CPNE4: variants seen among roughly 807,000 people sequenced by gnomAD.
CPNE4 encodes copine 4.
In CPNE4, 25 loss-of-function variants were observed where a neutral mutation model predicts 67.9. The ratio of observed to expected loss-of-function variants is 0.37; its 90% CI spans 0.27 to 0.51. CPNE4 has a LOEUF of 0.51. Ranked by LOEUF, CPNE4 falls within the 20% of genes least tolerant of loss-of-function variation. CPNE4 has a pLI of 0.93. For missense variants in CPNE4, 464 were observed against 690.8 expected, an observed-to-expected ratio of 0.67 and a Z score of 3.68; for synonymous variants, 242 against 244.9, an observed-to-expected ratio of 0.99 and a Z score of 0.11.
At position 131,952,435 on chromosome 3, in the gene CPNE4, G is replaced by C. The variant is rs200021229; in HGVS notation, c.-1-46991C>G. Among the ~76,000 whole-genome samples, 696 of 145,090 alleles carry C rather than the reference G, an allele frequency of 4.8e-3. 7 individuals are homozygous for C. Among genetic ancestry groups the C allele is most frequent in the African/African-American group, 0.016 (671 of 40,732 alleles). ...CCACCCCATCTGGGAAGTGAGGAGC[G>C]TCTCCGCCCAGCAGCCACCCCGTCC... On this transcript the variant is annotated intron_variant, in intron 1 of 15. Transcript: ENST00000429747.
intron 3 of CPNE4, among the ~76,000 whole-genome samples, chr3:131,710,424 G>A (rs1408745362): frequency 1.3e-5 from 2 of 152,098 alleles, no homozygotes; most frequent in African/African-American, 2.4e-5. Context: ...AACTTGTGAG[G>A]AAGGATACTT....
At chr3:131,759,771 A>G (rs4854838) in intron 2 of CPNE4, among the ~76,000 whole-genome samples, 146,162 of 152,292 alleles carry the variant, frequency 0.96, 70,394 homozygotes, top group East Asian at 1. Flanking sequence ...CTATCTGCAG[A>G]GAAGTTCTTT....
chr3:131,548,915 G>T (rs1184391269), intron 14 of CPNE4, among the ~76,000 whole-genome samples: 1 of 152,130 alleles, frequency 6.6e-6, no homozygotes, highest in Non-Finnish European at 1.5e-5. Flanking sequence ...GTGGGAAAAA[G>T]TTAAGGACAG....
At chr3:131,570,140 T>C (rs1040883355) in intron 10 of CPNE4, among the ~76,000 whole-genome samples, 26 of 151,858 alleles carry the variant, frequency 1.7e-4, no homozygotes, top group African/African-American at 6.0e-4. Flanking sequence ...ATAAATATCA[T>C]AGTATTTAAA....
intron 2 of CPNE4, among the ~76,000 whole-genome samples, chr3:131,757,141 C>T (rs571501737): frequency 1.7e-4 from 26 of 152,118 alleles, no homozygotes; most frequent in Non-Finnish European, 3.5e-4. Context: ...GAAAAGATAC[C>T]TGAAAATGTG....
chr3:131,666,324 G>A (rs2107649919), intron 7 of CPNE4, among the ~76,000 whole-genome samples: 1 of 152,138 alleles, frequency 6.6e-6, no homozygotes, highest in African/African-American at 2.4e-5. Flanking sequence ...AAATGAACCT[G>A]ACTGTTCCAT....
At chr3:131,934,130 G>A (rs532106501) in intron 1 of CPNE4, among the ~76,000 whole-genome samples, 1 of 152,206 alleles carries the variant, frequency 6.6e-6, no homozygotes, top group Non-Finnish European at 1.5e-5. Flanking sequence ...CAAGAGTTCT[G>A]TTTTGATAGA....
intron 2 of CPNE4, among the ~76,000 whole-genome samples, chr3:131,799,543 C>T (rs919792060): frequency 1.3e-5 from 2 of 152,068 alleles, no homozygotes; most frequent in African/African-American, 4.8e-5. Flanking sequence ...GTTGTTACCC[C>T]CAGTCTCTGA....
chr3:131,728,665 C>T (rs1024810497), intron 2 of CPNE4, among the ~76,000 whole-genome samples: 2 of 152,022 alleles, frequency 1.3e-5, no homozygotes, highest in Admixed American at 6.6e-5. Flanking sequence ...AATCCCAGCA[C>T]TTTGGGAGGC....
At chr3:131,880,676 C>T (rs888753178) in intron 2 of CPNE4, among the ~76,000 whole-genome samples, 3 of 152,124 alleles carry the variant, frequency 2.0e-5, no homozygotes, top group Admixed American at 6.5e-5. Flanking sequence ...TTCAAAAGAG[C>T]TCCTGGGAAT....
chr3:131,566,472 A>T (rs1559908987), intron 10 of CPNE4, among the ~76,000 whole-genome samples: 1 of 151,832 alleles, frequency 6.6e-6, no homozygotes, highest in Non-Finnish European at 1.5e-5. Context: ...GGCCCTTTTA[A>T]TCAAGGACTA....
intron 7 of CPNE4, among the ~76,000 whole-genome samples, chr3:131,606,987 T>C (rs1362162665): frequency 1.3e-5 from 2 of 151,354 alleles, no homozygotes; most frequent in Admixed American, 6.6e-5. Context: ...TTATCTAGTG[T>C]GAGAAAAACA....
chr3:131,925,018 C>A (rs148852192), intron 1 of CPNE4, among the ~76,000 whole-genome samples: 194 of 152,268 alleles, frequency 1.3e-3, no homozygotes, highest in African/African-American at 4.5e-3. Context: ...CAAGATTTTT[C>A]TCTTCACATT....
chr3:131,698,215 A>G (rs2081202361), intron 4 of CPNE4, among the ~76,000 whole-genome samples: 1 of 117,514 alleles, frequency 8.5e-6, no homozygotes, highest in Non-Finnish European at 1.7e-5. Flanking sequence ...AGCCTGGGAG[A>G]GGGGCAAGGC....
At position 131,539,165 on chromosome 3, in the gene CPNE4, T is replaced by A. The variant is rs1260511416; in HGVS notation, c.1539+3392A>T. Among the ~76,000 whole-genome samples, 4 of 152,190 alleles carry A rather than the reference T, an allele frequency of 2.6e-5. No individual in the cohort carries two copies. The East Asian group carries it at 7.7e-4, about 29-fold the overall frequency. On this transcript the variant is annotated intron_variant, in intron 15 of 15. Coordinates refer to ENST00000429747, the MANE Select transcript of CPNE4 (RefSeq NM_130808.3). The stretch of plus-strand genomic sequence containing the variant: ...TTGGGTAATGAAATGGATTTCAAAA[T>A]CTGATTTGAAATCCATGAAGATAAG...
At chr3:131,771,710 C>A (rs1490532086) in intron 2 of CPNE4, among the ~76,000 whole-genome samples, 1 of 152,004 alleles carries the variant, frequency 6.6e-6, no homozygotes, top group Non-Finnish European at 1.5e-5. Flanking sequence ...CTCAGGTATT[C>A]CTTTATAGCA....
intron 2 of CPNE4, among the ~76,000 whole-genome samples, chr3:131,862,782 T>C (rs1381572121): frequency 1.3e-5 from 2 of 152,182 alleles, no homozygotes; most frequent in Non-Finnish European, 2.9e-5. Flanking sequence ...TATGTATACA[T>C]GTGCCATGTT....
chr3:131,623,694 G>C (rs1459134871), intron 7 of CPNE4, among the ~76,000 whole-genome samples: 3 of 152,350 alleles, frequency 2.0e-5, no homozygotes, highest in East Asian at 3.9e-4. Flanking sequence ...GGTCACAACT[G>C]TGTTAAAATG....
intron 8 of CPNE4, among the ~76,000 whole-genome samples, chr3:131,582,167 T>A (rs150017992): frequency 6.6e-6 from 1 of 152,202 alleles, no homozygotes; most frequent in African/African-American, 2.4e-5. Context: ...GAATAGTGAA[T>A]GCTGGCTAGA....
Sources: gnomAD v4.1 joint callset for allele counts (sites outside exome capture counted in the v4.1 genomes callset) on GRCh38, gnomAD v4.1.1 for gene constraint, MANE v1.5 for transcripts, NCBI Gene and HGNC (gene_info 2026-07-23, HGNC 2026-07-21) for gene names.